The following DDX60L variants were observed in gnomAD, a reference collection of about 807,000 sequenced individuals.
DDX60L encodes the protein probable ATP-dependent RNA helicase DDX60-like.
A neutral mutation model predicts 211.6 loss-of-function variants in DDX60L; 191 were observed. The ratio of observed to expected loss-of-function variants is 0.90; its 90% CI spans 0.80 to 1.02. The LOEUF is 1.02. Among genes scored for constraint, DDX60L ranks in the 50% least tolerant of loss-of-function variants. The pLI is 0.00. For synonymous variants in DDX60L, 706 were observed against 694.1 expected (o/e 1.02, Z -0.27); for missense variants, 2,007 against 1,984.1 (o/e 1.01, Z -0.22).
At chr4:168,364,994 C>T (rs1739720610) in intron 36 of DDX60L, among the ~76,000 whole-genome samples, 2 of 151,716 alleles carry the variant, frequency 1.3e-5, no homozygotes, top group Admixed American at 1.3e-4. Context: ...AGAATGGAAA[C>T]ACATTATAAC....
intron 29 of DDX60L, among the ~76,000 whole-genome samples, chr4:168,391,285 A>G (rs1744765460): frequency 6.6e-6 from 1 of 152,250 alleles, no homozygotes; most frequent in Non-Finnish European, 1.5e-5. Flanking sequence ...CAAGAAATAT[A>G]AAAACTACAC....
intron 9 of DDX60L, among the ~76,000 whole-genome samples, chr4:168,448,191 A>G (rs961855572): frequency 5.9e-5 from 9 of 152,210 alleles, no homozygotes; most frequent in African/African-American, 2.2e-4. Context: ...CAGGAAAAAT[A>G]TGTTTTGAAA....
At chr4:168,426,934 T>G (rs1427201922) in intron 14 of DDX60L, 136 bp downstream of exon 14, 31 of 1,034,230 alleles carry the variant, frequency 3.0e-5, no homozygotes, top group Non-Finnish European at 4.0e-5. Flanking sequence ...AATAACTATC[T>G]TAAAGGGTCA....
At chr4:168,476,224 TAC>T (rs1232386676) in intron 1 of DDX60L, 1 of 152,152 alleles carries the variant, frequency 6.6e-6, no homozygotes. Context: ...CTATTGTCAA[TAC>T]AAAGTGTAAC....
chr4:168,445,130 A>G (rs2150019830), intron 9 of DDX60L, among the ~76,000 whole-genome samples: 1 of 137,148 alleles, frequency 7.3e-6, no homozygotes, highest in South Asian at 2.6e-4. Context: ...ATAGACCTCT[A>G]GCAAGACTAA....
At chr4:168,422,049 G>T in intron 16 of DDX60L, 140 bp from the exon 17 acceptor site, 3 of 1,006,356 alleles carry the variant, frequency 3.0e-6, no homozygotes, top group Non-Finnish European at 4.3e-6. Flanking sequence ...CTGAAGATTA[G>T]GTCTGGTGAA....
chr4:168,432,865 A>C, intron 11 of DDX60L, 145 bp downstream of exon 11: 1 of 498,204 alleles, frequency 2.0e-6, no homozygotes, highest in Non-Finnish European at 3.6e-6. Context: ...TAGATGTTAC[A>C]ATCACTTAAA....
intron 12 of DDX60L, among the ~76,000 whole-genome samples, chr4:168,431,433 C>T (rs540089994): frequency 6.6e-6 from 1 of 151,878 alleles, no homozygotes; most frequent in Non-Finnish European, 1.5e-5. Context: ...TAGCTTATTC[C>T]TATATGCAAT....
At chr4:168,441,925 T>C (rs1197999231) in intron 9 of DDX60L, among the ~76,000 whole-genome samples, 2 of 152,160 alleles carry the variant, frequency 1.3e-5, no homozygotes, top group Non-Finnish European at 2.9e-5. Context: ...CACAATATGC[T>C]ACATATAAGC....
chr4:168,449,652 C>CAAAAAAAAAAAAAAAAAAAAA lies in DDX60L; in HGVS notation c.997-874_997-873insTTTTTTTTTTTTTTTTTTTTT. Among the ~76,000 whole-genome samples, 26 of 7,920 alleles carry CAAAAAAAAAAAAAAAAAAAAA rather than the reference C, an allele frequency of 3.3e-3. 2 individuals carry two copies. Among genetic ancestry groups the CAAAAAAAAAAAAAAAAAAAAA allele is most frequent in the East Asian group, 5.1e-3 (1 of 198 alleles). 5.2% of individuals were successfully genotyped at this position (7,920 alleles called of 152,430 possible). On this transcript the variant is annotated intron_variant, in intron 8 of 37. Transcript: ENST00000682922. ...AACATTAAAACAAAAAAAAAAAATG[C>CAAAAAAAAAAAAAAAAAAAAA]AAAAAAAAAAAAAGAAAAAAGAAAA...
intron 14 of DDX60L, 131 bp downstream of exon 14, chr4:168,426,939 G>A (rs1173148913): frequency 9.6e-7 from 1 of 1,043,112 alleles, no homozygotes; most frequent in African/African-American, 1.6e-5. Flanking sequence ...CTATCTTAAA[G>A]GGTCATGTTG....
Position 168,379,364 on chromosome 4 carries a change from T to C in DDX60L, c.4362A>G (p.Lys1454=). ...TACAGGTATAAAACCCAAGCTTACC[T>C]TTCCAGGCTGGCTTACAGAGATTAT... ...LFHNLCKPAW[K]GSQQFSQDVM... Residue 1454 remains lysine, a splice_region_variant and synonymous_variant, in exon 32 of 38, where the codon AAA becomes AAG. Coordinates refer to ENST00000682922, the MANE Select transcript of DDX60L (RefSeq NM_001012967.3). 6.4e-7 allele frequency: 1 copy of C among 1,561,206 alleles called. No individual in the cohort carries two copies. The highest frequency in any genetic ancestry group is 8.6e-7 in the Non-Finnish European group (1 of 1,162,876).
rs192281471 is a variant in DDX60L at position 168,392,898 on chromosome 4, C to T, written c.3811-1254G>A. 1.9e-3 allele frequency among the ~76,000 whole-genome samples: 290 copies of T among 150,318 alleles called. 1 individual carries two copies. Among genetic ancestry groups the T allele is most frequent in the Admixed American group, 2.9e-3 (44 of 15,174 alleles). ...GCAAGCTCCCACAGTCTCAGAATAA[C>T]ACTTTTATAACAATATGGCTATTCA... On this transcript the variant is annotated intron_variant, in intron 28 of 37. Transcript: ENST00000682922.
chr4:168,464,443 A>T (rs371133588), intron 4 of DDX60L, among the ~76,000 whole-genome samples: 22 of 138,920 alleles, frequency 1.6e-4, no homozygotes, highest in Non-Finnish European at 2.0e-4. Context: ...TTATAATTGT[A>T]TTTTTTTTTT....
chr4:168,427,358 G>A, intron 13 of DDX60L, 36 bp from the exon 14 acceptor site: 1 of 1,587,214 alleles, frequency 6.3e-7, no homozygotes, highest in Non-Finnish European at 8.6e-7. Context: ...GAAACAAGTG[G>A]GAAAATTCCA....
chr4:168,396,645 A>G (rs905596333), intron 26 of DDX60L, among the ~76,000 whole-genome samples: 2 of 152,008 alleles, frequency 1.3e-5, no homozygotes, highest in Non-Finnish European at 2.9e-5. Context: ...TTCATGGCCC[A>G]TATCATTCAT....
At chr4:168,368,285 T>C (rs1740340835) in intron 36 of DDX60L, among the ~76,000 whole-genome samples, 1 of 152,204 alleles carries the variant, frequency 6.6e-6, no homozygotes, top group African/African-American at 2.4e-5. Flanking sequence ...CAGCCATGGC[T>C]GAAAAAGGCT....
intron 36 of DDX60L, among the ~76,000 whole-genome samples, chr4:168,363,819 A>T (rs557961885): frequency 6.6e-6 from 1 of 152,320 alleles, no homozygotes; most frequent in African/African-American, 2.4e-5. Context: ...CGACCAGAAA[A>T]CAATGAACAA....
Position 168,441,440 on chromosome 4 carries a change from C to G in DDX60L, c.1191G>C (p.Trp397Cys). The change falls in exon 10 of 38, where the codon TGG becomes TGC. Residue 397 changes from tryptophan to cysteine, a missense_variant. Coordinates refer to ENST00000682922, the MANE Select transcript of DDX60L (RefSeq NM_001012967.3). ...CTTTAACCAGGTGTGACACAACATTCCACAGGTCTTCATAATCCCTCCTAA... is the reference window on the plus strand; with the variant it reads ...CTTTAACCAGGTGTGACACAACATTGCACAGGTCTTCATAATCCCTCCTAA... ...DSIRRDYEDL[W>C]NVVSHLVKEF... 1 of 1,612,836 alleles carries G rather than the reference C, an allele frequency of 6.2e-7. No homozygotes were observed. Among genetic ancestry groups the G allele is most frequent in the Non-Finnish European group, 8.5e-7 (1 of 1,179,432 alleles).
Sources: allele counts gnomAD v4.1 joint callset (sites outside exome capture counted in the v4.1 genomes callset), GRCh38; gene constraint gnomAD v4.1.1; transcripts MANE v1.5; gene names NCBI Gene and HGNC (gene_info 2026-07-23, HGNC 2026-07-21).